BARX2: variants seen among roughly 807,000 people sequenced by gnomAD.
The protein encoded by BARX2 is homeobox protein BarH-like 2.
Under a neutral mutation model 25.5 loss-of-function variants are expected in BARX2, and 11 were observed. The observed-to-expected ratio is 0.43, with a 90% CI of 0.27 to 0.71. The LOEUF is 0.71. Among genes scored for constraint, BARX2 ranks in the 30% least tolerant of loss-of-function variants. The pLI, the probability that BARX2 is intolerant of heterozygous loss-of-function variation, is 0.19. For missense variants in BARX2, 360 were observed against 359.9 expected (o/e 1.00, Z 0.00); for synonymous variants, 137 against 149.5 (o/e 0.92, Z 0.61).
chr11:129,379,670 TTTGAGGCGTG>T (rs1861540781), intron 1 of BARX2, among the ~76,000 whole-genome samples: 1 of 152,100 alleles, frequency 6.6e-6, no homozygotes, highest in Non-Finnish European at 1.5e-5. Flanking sequence ...AGTTTCTAAA[TTTGAGGCGTG>T]TTGAGAAAAA....
At chr11:129,384,785 A>G (rs1193991488) in intron 1 of BARX2, among the ~76,000 whole-genome samples, 1 of 152,246 alleles carries the variant, frequency 6.6e-6, no homozygotes, top group Non-Finnish European at 1.5e-5. Flanking sequence ...AACCATATTC[A>G]TAGACAGGGC....
intron 1 of BARX2, among the ~76,000 whole-genome samples, chr11:129,414,559 G>A (rs928645516): frequency 2.0e-5 from 3 of 152,158 alleles, no homozygotes; most frequent in Non-Finnish European, 4.4e-5. Flanking sequence ...AGTCTCAGAT[G>A]AGAAACTTCC....
chr11:129,378,915 TG>T (rs1356715126), intron 1 of BARX2, among the ~76,000 whole-genome samples: 7 of 151,082 alleles, frequency 4.6e-5, no homozygotes, highest in African/African-American at 1.7e-4. Context: ...GGTCAATTTA[TG>T]GTACCAAATA....
intron 1 of BARX2, among the ~76,000 whole-genome samples, chr11:129,382,696 G>A (rs935013644): frequency 1.3e-5 from 2 of 152,128 alleles, no homozygotes; most frequent in Non-Finnish European, 1.5e-5. Context: ...TCTTCTGTTG[G>A]GGATGCAGTT....
intron 1 of BARX2, among the ~76,000 whole-genome samples, chr11:129,385,631 G>A (rs1296982020): frequency 1.3e-5 from 2 of 152,176 alleles, no homozygotes; most frequent in African/African-American, 2.4e-5. Flanking sequence ...GGGCATGGGA[G>A]TGGGGAGTGC....
At chr11:129,448,388 T>C (rs61911762) in intron 3 of BARX2, among the ~76,000 whole-genome samples, 6,691 of 152,246 alleles carry the variant, frequency 0.044, 205 homozygotes, top group African/African-American at 0.073. Flanking sequence ...ATAAGGGACA[T>C]GTATCCAGAA....
Position 129,376,025 on chromosome 11 carries a change from G to T in BARX2, c.-11G>T. 2 of 1,488,840 alleles carry T rather than the reference G, an allele frequency of 1.3e-6. No individual in the cohort carries two copies. Among genetic ancestry groups the T allele is most frequent in the Non-Finnish European group, 1.8e-6 (2 of 1,119,734 alleles). 92.2% of individuals were successfully genotyped at this position (1,488,840 alleles called of 1,614,324 possible). A position where few individuals can be genotyped will look rare whatever the true frequency, so the allele number is the denominator to read the frequency against. ...CGCGCTCGGGCCGGCGGACGCTCGCGCCGGCTCACCATGCACTGCCACGCC... is the reference window on the plus strand; with the variant it reads ...CGCGCTCGGGCCGGCGGACGCTCGCTCCGGCTCACCATGCACTGCCACGCC... On this transcript the variant is annotated 5_prime_UTR_variant, in exon 1 of 4. Coordinates refer to ENST00000281437, the MANE Select transcript of BARX2 (RefSeq NM_003658.5). The surrounding 1 kb of genome is among the most constrained non-coding windows in gnomAD (Gnocchi z 4.2).
intron 1 of BARX2, among the ~76,000 whole-genome samples, chr11:129,435,202 A>C (rs1862175192): frequency 6.6e-6 from 1 of 152,192 alleles, no homozygotes; most frequent in Non-Finnish European, 1.5e-5. Flanking sequence ...TATCACTCCC[A>C]GGTGATTTTT....
chr11:129,377,790 T>C (rs915676424), intron 1 of BARX2, among the ~76,000 whole-genome samples: 1 of 152,200 alleles, frequency 6.6e-6, no homozygotes, highest in African/African-American at 2.4e-5. Flanking sequence ...ACAGAACAAC[T>C]TCTAAGCACC....
At chr11:129,408,039 A>G (rs971857079) in intron 1 of BARX2, among the ~76,000 whole-genome samples, 2 of 151,264 alleles carry the variant, frequency 1.3e-5, no homozygotes, top group Non-Finnish European at 2.9e-5. Flanking sequence ...AAAAAAAAAA[A>G]AAAAAAAAGT....
rs1028101781 is a variant in BARX2, at chr11:129,413,866, A to G, written c.188-22885A>G. Among the ~76,000 whole-genome samples the G allele has an allele frequency of 2.0e-5, 3 of 151,998 alleles. No homozygotes were observed. In the East Asian group the frequency reaches 5.8e-4, roughly 29 times the overall value. On this transcript the variant is annotated intron_variant, in intron 1 of 3. Transcript: ENST00000281437. Reference sequence around the variant, plus strand: ...ATCACGAGGTCAGGAGATCGAGACAATCCTGGCTAACACGGTGAAAACCCG... The same window carrying G: ...ATCACGAGGTCAGGAGATCGAGACAGTCCTGGCTAACACGGTGAAAACCCG...
At chr11:129,396,116 T>G (rs1861718226) in intron 1 of BARX2, among the ~76,000 whole-genome samples, 1 of 152,104 alleles carries the variant, frequency 6.6e-6, no homozygotes, top group South Asian at 2.1e-4. Flanking sequence ...ACATCGACTG[T>G]CTCTCCCATG....
chr11:129,393,026 T>G lies in BARX2; in HGVS notation c.187+16804T>G, dbSNP rs948929487. ...TTGTTCATGCCTGTAATCCTAGGAC[T>G]GTGAGAGGCCAAGACAGGAGGATCA... On this transcript the variant is annotated intron_variant, in intron 1 of 3. Transcript: ENST00000281437. Among the ~76,000 whole-genome samples the G allele has an allele frequency of 3.3e-5, 5 of 152,278 alleles. No individual in the cohort carries two copies. In the South Asian group the frequency reaches 6.2e-4, roughly 19 times the overall value.
At chr11:129,398,479 A>G (rs952321662) in intron 1 of BARX2, among the ~76,000 whole-genome samples, 2 of 152,198 alleles carry the variant, frequency 1.3e-5, no homozygotes, top group Non-Finnish European at 2.9e-5. Flanking sequence ...ATCAAATAAG[A>G]CACTTAGGAA....
chr11:129,395,549 T>C (rs1443113067), intron 1 of BARX2, among the ~76,000 whole-genome samples: 1 of 152,176 alleles, frequency 6.6e-6, no homozygotes, highest in Non-Finnish European at 1.5e-5. Context: ...TTCGTGTTCT[T>C]GAAATCTCCT....
intron 1 of BARX2, among the ~76,000 whole-genome samples, chr11:129,387,182 T>C (rs956157962): frequency 1.3e-5 from 2 of 152,228 alleles, no homozygotes; most frequent in Non-Finnish European, 2.9e-5. Context: ...TTCGACCTCC[T>C]GGAACTCTCC....
chr11:129,380,930 C>T (rs1005704351), intron 1 of BARX2, among the ~76,000 whole-genome samples: 3 of 152,004 alleles, frequency 2.0e-5, no homozygotes, highest in Admixed American at 2.0e-4. Flanking sequence ...GCGCCCATGA[C>T]CACACCCAGC....
chr11:129,387,834 A>G (rs1197707995), intron 1 of BARX2, among the ~76,000 whole-genome samples: 3 of 152,200 alleles, frequency 2.0e-5, no homozygotes, highest in East Asian at 3.9e-4. Flanking sequence ...ATAAATGGCA[A>G]CCACGTGCCC....
At chr11:129,442,946 C>G in intron 3 of BARX2, 27 bp downstream of exon 3, 1 of 1,589,806 alleles carries the variant, frequency 6.3e-7, no homozygotes. Context: ...TAACCATGAT[C>G]CCTTCCTGAT....
Sources: gnomAD v4.1 joint callset for allele counts (sites outside exome capture counted in the v4.1 genomes callset) on GRCh38, gnomAD v4.1.1 for gene constraint, Gnocchi (gnomAD v3.1) non-coding constraint, MANE v1.5 for transcripts, NCBI Gene and HGNC (gene_info 2026-07-23, HGNC 2026-07-21) for gene names.